The following SGCZ variants were observed in gnomAD, a reference collection of about 807,000 sequenced individuals.
SGCZ encodes the protein zeta-sarcoglycan.
Under a neutral mutation model 41.3 loss-of-function variants are expected in SGCZ, and 40 were observed. The ratio of observed to expected loss-of-function variants is 0.97; its 90% CI spans 0.75 to 1.26. The LOEUF is 1.26. SGCZ is among the 50% of genes most tolerant of loss of function. The pLI, the probability that SGCZ is intolerant of heterozygous loss-of-function variation, is 0.00. For missense variants in SGCZ, 552 were observed against 369.8 expected, an observed-to-expected ratio of 1.49 and a Z score of -4.04; for synonymous variants, 206 against 137.5, an observed-to-expected ratio of 1.50 and a Z score of -3.49.
intron 1 of SGCZ, among the ~76,000 whole-genome samples, chr8:14,768,384 C>A (rs1800112681): frequency 6.6e-6 from 1 of 152,152 alleles, no homozygotes; most frequent in Non-Finnish European, 1.5e-5. Flanking sequence ...TGATAATGAA[C>A]TGAAACAGTT....
At chr8:14,821,381 A>T (rs1232435508) in intron 1 of SGCZ, among the ~76,000 whole-genome samples, 2 of 152,116 alleles carry the variant, frequency 1.3e-5, no homozygotes, top group Admixed American at 1.3e-4. Context: ...CTGCTAAATT[A>T]AACCAAACAT....
At chr8:14,551,455 T>TAA (rs1491276849) in intron 2 of SGCZ, among the ~76,000 whole-genome samples, 23 of 6,026 alleles carry the variant, frequency 3.8e-3, no homozygotes, top group African/African-American at 0.011. Context: ...CATATATATA[T>TAA]TATATATATT....
At chr8:15,228,445 A>G (rs2117201130) in intron 1 of SGCZ, among the ~76,000 whole-genome samples, 1 of 152,356 alleles carries the variant, frequency 6.6e-6, no homozygotes, top group African/African-American at 2.4e-5. Context: ...GAGATGAAAT[A>G]CAATATATAA....
chr8:14,604,563 C>T (rs1457704219), intron 1 of SGCZ, among the ~76,000 whole-genome samples: 1 of 152,194 alleles, frequency 6.6e-6, no homozygotes, highest in East Asian at 1.9e-4. Context: ...GGCTTGTTTA[C>T]TACATGTTGC....
chr8:14,114,025 G>T (rs1802449836), intron 5 of SGCZ, among the ~76,000 whole-genome samples: 2 of 151,912 alleles, frequency 1.3e-5, no homozygotes, highest in Non-Finnish European at 2.9e-5. Context: ...AGTTGCCGCA[G>T]GTCCTTGTAA....
At chr8:14,871,069 T>C (rs561306458) in intron 1 of SGCZ, among the ~76,000 whole-genome samples, 1 of 152,068 alleles carries the variant, frequency 6.6e-6, no homozygotes, top group East Asian at 2.0e-4. Context: ...TAGGTGGGTG[T>C]GGTGGCGCAT....
chr8:14,292,799 A>G (rs545375986), intron 3 of SGCZ, among the ~76,000 whole-genome samples: 82 of 150,898 alleles, frequency 5.4e-4, no homozygotes, highest in Non-Finnish European at 9.9e-4. Context: ...CTTTTCTGAG[A>G]ATTACATGAA....
intron 1 of SGCZ, among the ~76,000 whole-genome samples, chr8:14,704,314 C>G (rs73527571): frequency 2.0e-5 from 3 of 151,922 alleles, no homozygotes; most frequent in African/African-American, 7.2e-5. Context: ...TTATCCCCAT[C>G]TGGAAAAACC....
intron 3 of SGCZ, among the ~76,000 whole-genome samples, chr8:14,244,048 G>T (rs11782538): frequency 0.66 from 100,969 of 151,978 alleles, 33,894 homozygotes; most frequent in South Asian, 0.78. Flanking sequence ...GAACTGAACT[G>T]AGCACATTAC....
intron 2 of SGCZ, among the ~76,000 whole-genome samples, chr8:14,537,491 C>T (rs543210855): frequency 6.6e-6 from 1 of 151,946 alleles, no homozygotes; most frequent in South Asian, 2.1e-4. Flanking sequence ...AATATTTGGC[C>T]TCATTCTTCC....
At chr8:15,229,122 GC>G (rs1234480168) in intron 1 of SGCZ, among the ~76,000 whole-genome samples, 1 of 152,020 alleles carries the variant, frequency 6.6e-6, no homozygotes, top group Non-Finnish European at 1.5e-5. Flanking sequence ...AACCCAGGAG[GC>G]AGAGGTTGTA....
At chr8:15,018,814 G>A (rs1803139876) in intron 1 of SGCZ, among the ~76,000 whole-genome samples, 1 of 152,198 alleles carries the variant, frequency 6.6e-6, no homozygotes, top group Non-Finnish European at 1.5e-5. Context: ...AGTTTAATTG[G>A]CTCATGCTTC....
intron 3 of SGCZ, among the ~76,000 whole-genome samples, chr8:14,278,693 C>G (rs1432482762): frequency 6.6e-6 from 1 of 152,038 alleles, no homozygotes; most frequent in Non-Finnish European, 1.5e-5. Context: ...TATAATCTTT[C>G]TAGTATCTAA....
In SGCZ at chr8:15,237,567, GC is replaced by G; in HGVS notation, c.39+17del. On this transcript the variant is annotated intron_variant, in intron 1 of 7. Coordinates refer to ENST00000382080, the MANE Select transcript of SGCZ (RefSeq NM_139167.4). ...GCGCCGAGAAGCGGCCGCGAAGCCCGCCCGGACCCGCACGTACCTTGAGCTC... is the reference window on the plus strand; with the variant it reads ...GCGCCGAGAAGCGGCCGCGAAGCCCGCCGGACCCGCACGTACCTTGAGCTC... 1.3e-6 allele frequency: 2 copies of G among 1,585,436 alleles called. No individual in the cohort carries two copies. Among genetic ancestry groups the G allele is most frequent in the South Asian group, 2.3e-5 (2 of 87,408 alleles).
chr8:14,780,487 A>G (rs568943289), intron 1 of SGCZ, among the ~76,000 whole-genome samples: 1 of 152,200 alleles, frequency 6.6e-6, no homozygotes, highest in South Asian at 2.1e-4. Flanking sequence ...TGTGTCATCT[A>G]TTGTTAATCC....
chr8:14,759,715 G>C (rs901594896), intron 1 of SGCZ, among the ~76,000 whole-genome samples: 1 of 152,126 alleles, frequency 6.6e-6, no homozygotes, highest in African/African-American at 2.4e-5. Flanking sequence ...AATTGGACCA[G>C]AGTTAGCCAG....
chr8:14,261,742 G>A (rs1364059693), intron 3 of SGCZ, among the ~76,000 whole-genome samples: 15 of 152,066 alleles, frequency 9.9e-5, no homozygotes, highest in Non-Finnish European at 1.9e-4. Flanking sequence ...TTCACTTTAG[G>A]ATGGAGTAAC....
chr8:14,502,048 T>G (rs1446649749), intron 2 of SGCZ, among the ~76,000 whole-genome samples: 2 of 152,100 alleles, frequency 1.3e-5, no homozygotes, highest in African/African-American at 2.4e-5. Context: ...TGTCAATTAT[T>G]CTAATAAGTG....
At chr8:15,137,042 C>CTA (rs1163622251) in intron 1 of SGCZ, among the ~76,000 whole-genome samples, 2 of 152,074 alleles carry the variant, frequency 1.3e-5, no homozygotes, top group East Asian at 3.9e-4. Flanking sequence ...TTGTAACTTC[C>CTA]TAGAGATTTG....
Sources: gnomAD v4.1 joint callset for allele counts (sites outside exome capture counted in the v4.1 genomes callset) on GRCh38, gnomAD v4.1.1 for gene constraint, MANE v1.5 for transcripts, NCBI Gene and HGNC (gene_info 2026-07-23, HGNC 2026-07-21) for gene names.